KDM8: variants seen among roughly 807,000 people sequenced by gnomAD.
KDM8 encodes bifunctional peptidase and arginyl-hydroxylase JMJD5.
Under a neutral mutation model 46.9 loss-of-function variants are expected in KDM8, and 35 were observed. That is an observed-to-expected ratio of 0.75 (90% CI 0.57 to 0.99). KDM8 has a LOEUF of 0.99. KDM8 is among the 50% of genes least tolerant of loss of function. The pLI is 0.00. For missense variants in KDM8, 475 were observed against 537.0 expected (o/e 0.88, Z 1.14); for synonymous variants, 232 against 227.7 (o/e 1.02, Z -0.17).
At chr16:27,213,824 C>G in intron 3 of KDM8, 73 bp downstream of exon 3, 28 of 1,478,240 alleles carry the variant, frequency 1.9e-5, no homozygotes, top group Non-Finnish European at 2.6e-5. Flanking sequence ...GAATTCCTCC[C>G]GACCATCCCC....
chr16:27,210,723 G>A, intron 2 of KDM8, 102 bp downstream of exon 2: 1 of 1,157,220 alleles, frequency 8.6e-7, no homozygotes. Flanking sequence ...CTCGTGGCCT[G>A]CAACCCCTCT....
Position 27,218,963 on chromosome 16 carries a change from C to T in KDM8, c.846C>T (p.Ile282=). 2.5e-6 allele frequency: 4 copies of T among 1,614,086 alleles called. No individual in the cohort carries two copies. The highest frequency in any genetic ancestry group is 3.4e-6 in the Non-Finnish European group (4 of 1,179,966). The change falls in exon 6 of 8, where the codon ATC becomes ATT. Residue 282 remains isoleucine (I), a splice_region_variant and synonymous_variant. Transcript: ENST00000286096. ...YLAQHQLFDQ[I]PELKQDISIP... ...CATGTCTGCTCTGCCGCCCACAGAT[C>T]CCGGAGTTGAAGCAGGACATCAGCA...
At chr16:27,219,573 G>T (rs1260848648) in intron 6 of KDM8, among the ~76,000 whole-genome samples, 1 of 152,210 alleles carries the variant, frequency 6.6e-6, no homozygotes, top group African/African-American at 2.4e-5. Flanking sequence ...GACCACCCTG[G>T]TTTTCGCAGG....
chr16:27,218,861 A>G, intron 5 of KDM8, 100 bp from the exon 6 acceptor site: 1 of 1,338,452 alleles, frequency 7.5e-7, no homozygotes, highest in Non-Finnish European at 1.1e-6. Flanking sequence ...ACACACACAC[A>G]TAATGGATAT....
At chr16:27,213,823 C>A in intron 3 of KDM8, 72 bp downstream of exon 3, 1 of 1,480,914 alleles carries the variant, frequency 6.8e-7, no homozygotes, top group Non-Finnish European at 9.2e-7. Context: ...TGAATTCCTC[C>A]CGACCATCCC....
intron 1 of KDM8, 103 bp from the exon 2 acceptor site, chr16:27,209,990 G>T (rs2083464319): frequency 8.3e-7 from 1 of 1,210,194 alleles, no homozygotes; most frequent in South Asian, 1.5e-5. Flanking sequence ...AGAGAAGACT[G>T]CTGTTGAAAA....
At chr16:27,212,170 TC>T (rs1213408005) in intron 2 of KDM8, among the ~76,000 whole-genome samples, 1 of 152,126 alleles carries the variant, frequency 6.6e-6, no homozygotes, top group African/African-American at 2.4e-5. Context: ...AACAGACTGT[TC>T]ACAAGAAGGA....
intron 2 of KDM8, 81 bp from the exon 3 acceptor site, chr16:27,213,503 CT>C (rs2083509648): frequency 6.8e-7 from 1 of 1,475,430 alleles, no homozygotes; most frequent in Non-Finnish European, 9.3e-7. Flanking sequence ...TCTCCTACCC[CT>C]GACACAGGTT....
Position 27,210,251 on chromosome 16 carries a change from G to T in KDM8, c.128G>T (p.Arg43Met), listed in dbSNP as rs770461806. 8 of 1,613,136 alleles carry T rather than the reference G, an allele frequency of 5.0e-6. No homozygotes were observed. The highest frequency in any genetic ancestry group is 6.8e-6 in the Non-Finnish European group (8 of 1,180,054). ...TTGGACCTCGGGGAGAAAGTGGAGA[G>T]GAGCGTGGTGACATTGTTGCAGCGA... ...LKLDLGEKVERSVVTLLQRAT... is the reference protein window; with the variant it reads ...LKLDLGEKVEMSVVTLLQRAT... Residue 43 changes from arginine to methionine, a missense_variant, in exon 2 of 8, where the codon AGG (arginine) becomes ATG (methionine). Transcript: ENST00000286096.
chr16:27,210,579 G>A lies in KDM8; in HGVS notation c.456G>A (p.Lys152=), dbSNP rs1206263466. ...TCCTCCAGACACACCTCCCTGGAAA[G>A]AGGCCTGCCCGTGGCTCCCTCCCAG... ...AAILQTHLPG[K]RPARGSLPEQ... Residue 152 remains lysine, a synonymous_variant, in exon 2 of 8, where the codon AAG becomes AAA. Transcript: ENST00000286096. 1 of 1,518,210 alleles carries A rather than the reference G, an allele frequency of 6.6e-7. No individual in the cohort carries two copies. Among genetic ancestry groups the A allele is most frequent in the African/African-American group, 1.4e-5 (1 of 71,830 alleles). 94.0% of individuals were successfully genotyped at this position (1,518,210 alleles called of 1,614,324 possible). A position where few individuals can be genotyped will look rare whatever the true frequency, so the allele number is the denominator to read the frequency against.
chr16:27,220,428 G>A lies in KDM8; in HGVS notation c.1029G>A (p.Pro343=), dbSNP rs753613325. The part of the protein sequence containing the change: ...MGRKYIRLYS[P]QESGALYPHD... ...GGAAGTACATCCGGCTGTATTCCCC[G>A]CAGGAGTCAGGGGCTCTGTACCCTC... is the stretch of plus-strand genomic sequence containing the variant. Residue 343 remains proline, a synonymous_variant, in exon 7 of 8, where the codon CCG becomes CCA. Coordinates refer to ENST00000286096, the MANE Select transcript of KDM8 (RefSeq NM_024773.3). The A allele has an allele frequency of 9.9e-6, 16 of 1,613,944 alleles. No individual in the cohort carries two copies. The highest frequency in any genetic ancestry group is 6.7e-5 in the East Asian group (3 of 44,876).
chr16:27,219,075 C>G lies in KDM8; in HGVS notation c.958C>G (p.Leu320Val). The G allele has an allele frequency of 6.2e-7, 1 of 1,613,492 alleles. No individual in the cohort carries two copies. Among genetic ancestry groups the G allele is most frequent in the South Asian group, 1.1e-5 (1 of 90,970 alleles). Residue 320 changes from leucine to valine, a missense_variant, in exon 6 of 8, where the codon CTA (leucine) becomes GTA (valine). Leu to Val is a conservative substitution (Grantham distance 32). Transcript: ENST00000286096. ...TGGTCCCCAGGGAACCATCTCCCCACTACATCAGGATCCCCAGCAAAACTT... is the reference window on the plus strand; with the variant it reads ...TGGTCCCCAGGGAACCATCTCCCCAGTACATCAGGATCCCCAGCAAAACTT... Reference protein sequence around the residue: ...WFGPQGTISPLHQDPQQNFLV... With the variant: ...WFGPQGTISPVHQDPQQNFLV...
chr16:27,220,930 C>T lies in KDM8; in HGVS notation c.*200C>T, dbSNP rs2083616937. The T allele has an allele frequency of 1.5e-6, 1 of 682,972 alleles. No individual in the cohort carries two copies. The highest frequency in any genetic ancestry group is 2.6e-6 in the Non-Finnish European group (1 of 380,114). The allele number at this position is 682,972 out of a possible 1,614,324, so 42.3% of individuals were successfully genotyped here. On this transcript the variant is annotated 3_prime_UTR_variant, in exon 8 of 8. Coordinates refer to ENST00000286096, the MANE Select transcript of KDM8 (RefSeq NM_024773.3). Reference sequence around the variant, plus strand: ...GGGCTGCCCAGGAAGGAGCACACTCCAGGCCAGGGGTGCATGGCAGAGGAA... The same window carrying T: ...GGGCTGCCCAGGAAGGAGCACACTCTAGGCCAGGGGTGCATGGCAGAGGAA...
At chr16:27,216,988 A>G (rs1205299553) in intron 5 of KDM8, among the ~76,000 whole-genome samples, 1 of 152,158 alleles carries the variant, frequency 6.6e-6, no homozygotes, top group Non-Finnish European at 1.5e-5. Context: ...ATTTAGGAGT[A>G]GAAGGCCAAG....
rs78941332 is a variant in KDM8 at position 27,221,364 on chromosome 16, G to A, written c.*634G>A. On this transcript the variant is annotated 3_prime_UTR_variant, in exon 8 of 8. Coordinates refer to ENST00000286096, the MANE Select transcript of KDM8 (RefSeq NM_024773.3). ...TTGCCCAGGTCACAGGAGAGAGTCC[G>A]TAGAGACCTGCGCAGGAGCCGGGAC... 4.0e-4 allele frequency: 71 copies of A among 178,172 alleles called. No individual in the cohort carries two copies. In the East Asian group the frequency reaches 8.8e-3, roughly 22 times the overall value. 11.0% of individuals were successfully genotyped at this position (178,172 alleles called of 1,614,324 possible).
chr16:27,218,357 G>A (rs184173958), intron 5 of KDM8, among the ~76,000 whole-genome samples: 63 of 152,236 alleles, frequency 4.1e-4, no homozygotes, highest in African/African-American at 1.1e-3. Context: ...ATCCAAGATC[G>A]CTTGATGTGT....
At chr16:27,214,671 AC>A (rs2083527255) in intron 3 of KDM8, 1 of 574,600 alleles carries the variant, frequency 1.7e-6, no homozygotes, top group Non-Finnish European at 3.1e-6. Context: ...GCAAAGCTGC[AC>A]AGCACTGTGT....
At chr16:27,216,534 CA>C (rs2083556221) in intron 5 of KDM8, among the ~76,000 whole-genome samples, 1 of 152,104 alleles carries the variant, frequency 6.6e-6, no homozygotes, top group Non-Finnish European at 1.5e-5. Flanking sequence ...TCGAGTCAGT[CA>C]GGGTCAGGGC....
chr16:27,219,306 G>A (rs1267343365), intron 6 of KDM8, among the ~76,000 whole-genome samples, 196 bp downstream of exon 6: 2 of 152,246 alleles, frequency 1.3e-5, no homozygotes, highest in Non-Finnish European at 2.9e-5. Flanking sequence ...GCTTCCAGAA[G>A]CGGCTCCTCC....
Sources: gnomAD v4.1 joint callset for allele counts (sites outside exome capture counted in the v4.1 genomes callset) on GRCh38, gnomAD v4.1.1 for gene constraint, MANE v1.5 for transcripts, NCBI Gene and HGNC (gene_info 2026-07-23, HGNC 2026-07-21) for gene names.